PTPRD: variants seen among roughly 807,000 people sequenced by gnomAD.
The protein encoded by PTPRD is receptor-type tyrosine-protein phosphatase delta.
In PTPRD, 34 loss-of-function variants were observed where a neutral mutation model predicts 214.5. The ratio of observed to expected loss-of-function variants is 0.16; its 90% CI spans 0.12 to 0.21. The LOEUF (loss-of-function observed/expected upper bound fraction) is 0.21, where lower values mean the gene tolerates loss of function less well. Among genes scored for constraint, PTPRD ranks in the 10% least tolerant of loss-of-function variants. The probability of loss-of-function intolerance (pLI) is 1.00; values close to 1 mark genes in which losing one functional copy is unlikely to be tolerated. For synonymous variants in PTPRD, 1,128 were observed against 845.7 expected, an observed-to-expected ratio of 1.33 and a Z score of -5.79; for missense variants, 2,545 against 2,398.7, an observed-to-expected ratio of 1.06 and a Z score of -1.27.
chr9:8,962,538 A>AAC (rs2099164226), intron 11 of PTPRD, among the ~76,000 whole-genome samples: 1 of 149,708 alleles, frequency 6.7e-6, no homozygotes, highest in Non-Finnish European at 1.5e-5. Flanking sequence ...AGAAGAGAGA[A>AAC]AGAGAGAGAG....
At chr9:9,435,805 T>C (rs568562462) in intron 8 of PTPRD, among the ~76,000 whole-genome samples, 89 of 152,310 alleles carry the variant, frequency 5.8e-4, no homozygotes, top group African/African-American at 2.0e-3. Flanking sequence ...CTGTGGGATA[T>C]AATAAACTAA....
intron 10 of PTPRD, among the ~76,000 whole-genome samples, chr9:9,037,362 C>A (rs324515): frequency 0.98 from 148,794 of 152,234 alleles, 72,814 homozygotes; most frequent in Middle Eastern, 1. Context: ...ATAGAATGAA[C>A]AAAGGATATA....
intron 9 of PTPRD, among the ~76,000 whole-genome samples, chr9:9,337,629 C>A (rs1403491474): frequency 6.6e-6 from 1 of 152,124 alleles, no homozygotes; most frequent in Admixed American, 6.5e-5. Flanking sequence ...CATACGTGAA[C>A]CTGCAAATTT....
intron 39 of PTPRD, among the ~76,000 whole-genome samples, chr9:8,363,190 C>T (rs1044549238): frequency 1.3e-5 from 2 of 152,188 alleles, no homozygotes; most frequent in African/African-American, 2.4e-5. Context: ...TTTGAGGTTG[C>T]ATCTTATATA....
chr9:9,420,430 G>C (rs188703891), intron 8 of PTPRD, among the ~76,000 whole-genome samples: 23 of 151,880 alleles, frequency 1.5e-4, no homozygotes, highest in Non-Finnish European at 3.0e-4. Context: ...ATAGGTTCTA[G>C]CACATATTGG....
In PTPRD at chr9:8,635,342, T is replaced by G. The variant is rs76130037; in HGVS notation, c.210+1357A>C. ...CTCTTTGACAAAAAATTAACTTCATTTAAATTTTTTTAATGTGCAGCAAAG... is the reference window on the plus strand; with the variant it reads ...CTCTTTGACAAAAAATTAACTTCATGTAAATTTTTTTAATGTGCAGCAAAG... On this transcript the variant is annotated intron_variant, in intron 13 of 45. Coordinates refer to ENST00000381196, the MANE Select transcript of PTPRD (RefSeq NM_002839.4). Among the ~76,000 whole-genome samples the G allele has an allele frequency of 1.2e-3, 183 of 151,806 alleles. 2 individuals carry two copies. Among genetic ancestry groups the G allele is most frequent in the African/African-American group, 4.3e-3 (177 of 41,462 alleles).
At chr9:9,470,454 T>C (rs541588229) in intron 8 of PTPRD, among the ~76,000 whole-genome samples, 2 of 152,342 alleles carry the variant, frequency 1.3e-5, no homozygotes, top group South Asian at 4.1e-4. Context: ...CTTTGAATTC[T>C]TTAAATGCCT....
chr9:9,936,883 T>A (rs1275171210), intron 5 of PTPRD, among the ~76,000 whole-genome samples: 1 of 145,920 alleles, frequency 6.9e-6, no homozygotes, highest in Non-Finnish European at 1.5e-5. Flanking sequence ...CACCATGGAA[T>A]ACTATGCAGC....
chr9:9,513,161 T>C (rs1305732175), intron 8 of PTPRD, among the ~76,000 whole-genome samples: 2 of 151,844 alleles, frequency 1.3e-5, no homozygotes, highest in Non-Finnish European at 2.9e-5. Context: ...TATCAGTAAA[T>C]GGCCACAGTC....
intron 37 of PTPRD, among the ~76,000 whole-genome samples, chr9:8,386,464 T>G (rs971955269): frequency 1.3e-5 from 2 of 152,228 alleles, no homozygotes; most frequent in African/African-American, 4.8e-5. Flanking sequence ...AATATTATTT[T>G]AAGAACCTGA....
At chr9:8,935,733 A>AG (rs1386281951) in intron 11 of PTPRD, among the ~76,000 whole-genome samples, 1 of 152,236 alleles carries the variant, frequency 6.6e-6, no homozygotes, top group Non-Finnish European at 1.5e-5. Flanking sequence ...ATGAGAAAGC[A>AG]GAAAAAGATA....
chr9:9,788,551 C>CAAAAAAAAAAAA (rs371559861), intron 5 of PTPRD, among the ~76,000 whole-genome samples: 1 of 117,464 alleles, frequency 8.5e-6, no homozygotes. Context: ...AGCTCCGTCT[C>CAAAAAAAAAAAA]AAAAAAAAAA....
intron 2 of PTPRD, among the ~76,000 whole-genome samples, chr9:10,587,852 G>C (rs1324717925): frequency 2.0e-5 from 3 of 152,028 alleles, no homozygotes; most frequent in Non-Finnish European, 4.4e-5. Context: ...AAACACAGAT[G>C]ATGGAAAAAG....
At chr9:8,377,734 A>C (rs921568369) in intron 37 of PTPRD, among the ~76,000 whole-genome samples, 3 of 152,116 alleles carry the variant, frequency 2.0e-5, no homozygotes, top group Admixed American at 1.3e-4. Context: ...AGAAAATCAC[A>C]ATCTTTGGAT....
chr9:8,649,395 C>A (rs565893143), intron 12 of PTPRD, among the ~76,000 whole-genome samples: 1 of 152,308 alleles, frequency 6.6e-6, no homozygotes, highest in African/African-American at 2.4e-5. Context: ...ATCCATCTTA[C>A]AGGATAAGCT....
intron 14 of PTPRD, among the ~76,000 whole-genome samples, chr9:8,559,852 T>C (rs1354207746): frequency 1.3e-5 from 2 of 152,362 alleles, no homozygotes; most frequent in Admixed American, 6.5e-5. Context: ...TCAATGTACA[T>C]GGATAGCTTC....
chr9:9,318,085 C>T (rs1468384017), intron 9 of PTPRD, among the ~76,000 whole-genome samples: 1 of 152,016 alleles, frequency 6.6e-6, no homozygotes, highest in Non-Finnish European at 1.5e-5. Flanking sequence ...GCAGAAGAAT[C>T]ATTTGAACCA....
intron 14 of PTPRD, among the ~76,000 whole-genome samples, chr9:8,596,827 G>A (rs1464895788): frequency 6.6e-6 from 1 of 152,124 alleles, no homozygotes; most frequent in East Asian, 1.9e-4. Flanking sequence ...TAAGGTATTG[G>A]GAAACTAAGT....
intron 8 of PTPRD, among the ~76,000 whole-genome samples, chr9:9,544,170 A>G (rs542499758): frequency 1.3e-5 from 2 of 151,742 alleles, no homozygotes; most frequent in South Asian, 4.1e-4. Flanking sequence ...ATTTTCTATA[A>G]AACAGTACTT....
Sources: gnomAD v4.1 joint callset for allele counts (sites outside exome capture counted in the v4.1 genomes callset) on GRCh38, gnomAD v4.1.1 for gene constraint, MANE v1.5 for transcripts, NCBI Gene and HGNC (gene_info 2026-07-23, HGNC 2026-07-21) for gene names.